The following PARD3 variants were observed in gnomAD, a reference collection of about 807,000 sequenced individuals.
PARD3 encodes the protein par-3 family cell polarity regulator.
In PARD3, 75 loss-of-function variants were observed where a neutral mutation model predicts 155.4. The observed-to-expected ratio is 0.48, with a 90% CI of 0.40 to 0.58. The LOEUF (loss-of-function observed/expected upper bound fraction) is 0.58, where lower values mean the gene tolerates loss of function less well. Ranked by LOEUF, PARD3 falls within the 20% of genes least tolerant of loss-of-function variation. The pLI is 0.00. For missense variants in PARD3, 1,642 were observed against 1,721.7 expected (o/e 0.95, Z 0.82); for synonymous variants, 576 against 610.5 (o/e 0.94, Z 0.83).
At chr10:34,803,108 GC>G (rs1842979323) in intron 1 of PARD3, among the ~76,000 whole-genome samples, 1 of 150,928 alleles carries the variant, frequency 6.6e-6, no homozygotes, top group African/African-American at 2.4e-5. Context: ...GCGTGGTGGT[GC>G]ATGCCTGTAA....
chr10:34,379,138 A>T (rs1353252988), intron 9 of PARD3, among the ~76,000 whole-genome samples: 1 of 152,160 alleles, frequency 6.6e-6, no homozygotes, highest in East Asian at 1.9e-4. Context: ...AAGAATAAAG[A>T]GATCTGTAAA....
intron 5 of PARD3, among the ~76,000 whole-genome samples, chr10:34,419,888 C>T (rs1216420350): frequency 2.0e-5 from 3 of 152,164 alleles, no homozygotes; most frequent in Non-Finnish European, 4.4e-5. Flanking sequence ...TTTTACTTAA[C>T]AACATGACTT....
chr10:34,374,821 G>C (rs1032665129), intron 11 of PARD3, 53 bp downstream of exon 11: 4 of 1,579,076 alleles, frequency 2.5e-6, no homozygotes, highest in Admixed American at 1.8e-5. Context: ...AACTAACCCA[G>C]ACCCCTGGCT....
At chr10:34,420,782 T>C (rs1194816944) in intron 5 of PARD3, among the ~76,000 whole-genome samples, 1 of 152,204 alleles carries the variant, frequency 6.6e-6, no homozygotes, top group East Asian at 1.9e-4. Flanking sequence ...AAGCATTAAA[T>C]CCCACAGTTC....
chr10:34,277,315 A>T (rs1413955713), intron 21 of PARD3, among the ~76,000 whole-genome samples: 1 of 152,166 alleles, frequency 6.6e-6, no homozygotes, highest in Non-Finnish European at 1.5e-5. Context: ...CAGACTTCAA[A>T]AATACTGCAG....
At chr10:34,342,446 T>A (rs932810207) in intron 15 of PARD3, among the ~76,000 whole-genome samples, 3 of 152,238 alleles carry the variant, frequency 2.0e-5, no homozygotes, top group African/African-American at 7.2e-5. Context: ...TATGATCTTT[T>A]CTGCCAGAAG....
intron 3 of PARD3, among the ~76,000 whole-genome samples, chr10:34,512,764 C>G (rs1205333936): frequency 6.6e-6 from 1 of 152,038 alleles, no homozygotes; most frequent in Non-Finnish European, 1.5e-5. Context: ...TTTGTTCATT[C>G]TCCTTTAACT....
chr10:34,488,126 T>C (rs534469396), intron 3 of PARD3, among the ~76,000 whole-genome samples: 1 of 152,164 alleles, frequency 6.6e-6, no homozygotes, highest in African/African-American at 2.4e-5. Flanking sequence ...GATGTGCGTT[T>C]GAAGCTCCTG....
chr10:34,611,988 A>C (rs2090942214), intron 2 of PARD3, among the ~76,000 whole-genome samples: 1 of 106,104 alleles, frequency 9.4e-6, no homozygotes, highest in Non-Finnish European at 1.8e-5. Context: ...CACCACGCCC[A>C]GCTGATTTTT....
intron 19 of PARD3, among the ~76,000 whole-genome samples, chr10:34,320,215 A>G (rs1202314465): frequency 6.6e-6 from 1 of 152,202 alleles, no homozygotes; most frequent in Non-Finnish European, 1.5e-5. Flanking sequence ...CTAGCTTTAG[A>G]AAAATGCTTA....
At chr10:34,255,236 GA>G (rs1160408037) in intron 22 of PARD3, among the ~76,000 whole-genome samples, 2 of 151,810 alleles carry the variant, frequency 1.3e-5, no homozygotes, top group African/African-American at 2.4e-5. Context: ...CCAACTGCCA[GA>G]AAAAAAATCA....
At chr10:34,684,830 CATATATACACACACACAT>C (rs2093922025) in intron 2 of PARD3, among the ~76,000 whole-genome samples, 1 of 48,520 alleles carries the variant, frequency 2.1e-5, no homozygotes, top group Admixed American at 2.0e-4. Context: ...CACACACACA[CATATATACACACACACAT>C]ATATATACAT....
intron 5 of PARD3, among the ~76,000 whole-genome samples, chr10:34,438,316 G>T (rs2076289568): frequency 6.6e-6 from 1 of 152,034 alleles, no homozygotes; most frequent in African/African-American, 2.4e-5. Flanking sequence ...CCATTTCTTG[G>T]TCCTTTAGTT....
Position 34,220,634 on chromosome 10 carries a change from C to G in PARD3, c.3419+49023G>C, listed in dbSNP as rs545631189. Among the ~76,000 whole-genome samples the G allele has an allele frequency of 2.0e-5, 3 of 152,266 alleles. No individual in the cohort carries two copies. The South Asian group carries it at 6.2e-4, about 32-fold the overall frequency. ...TGCAATGGAGGAATGCCTAATTCTG[C>G]CTTACCTACTTGGGGCCTCCATTTC... On this transcript the variant is annotated intron_variant, in intron 22 of 24. Transcript: ENST00000374788.
intron 2 of PARD3, among the ~76,000 whole-genome samples, chr10:34,564,303 A>G (rs951693081): frequency 2.6e-5 from 4 of 152,230 alleles, no homozygotes; most frequent in Non-Finnish European, 5.9e-5. Flanking sequence ...ATAAAAAAGT[A>G]TATGATGCAA....
rs745637071 is a variant in PARD3, at chr10:34,447,480, CAAAAAAAAAAAAAAAAAAAAAA to C, written c.714+2815_714+2836del. ...TGGGCAACAGAGCAAGACTGCGTCT[CAAAAAAAAAAAAAAAAAAAAAA>C]AAAAAAAAAAAAAAAAAGGGCCAGT... On this transcript the variant is annotated intron_variant, in intron 5 of 24. Coordinates refer to ENST00000374788, the MANE Select transcript of PARD3 (RefSeq NM_001184785.2). Among the ~76,000 whole-genome samples the C allele has an allele frequency of 2.3e-3, 85 of 37,208 alleles. No individual in the cohort carries two copies. The South Asian group carries it at 0.055, about 24-fold the overall frequency. 24.4% of individuals were successfully genotyped at this position (37,208 alleles called of 152,430 possible). A position where few individuals can be genotyped will look rare whatever the true frequency, so the allele number is the denominator to read the frequency against.
intron 2 of PARD3, among the ~76,000 whole-genome samples, chr10:34,673,001 G>C (rs11009859): frequency 0.02 from 3,109 of 152,094 alleles, 104 homozygotes; most frequent in African/African-American, 0.071. Context: ...TCCTCTCTCT[G>C]ACCTATATGT....
At chr10:34,618,252 TAA>T (rs2091397880) in intron 2 of PARD3, among the ~76,000 whole-genome samples, 1 of 152,184 alleles carries the variant, frequency 6.6e-6, no homozygotes, top group African/African-American at 2.4e-5. Context: ...TGAATCCAAA[TAA>T]AAAAGTCTTT....
chr10:34,767,655 G>C (rs867156985), intron 1 of PARD3, among the ~76,000 whole-genome samples: 7 of 152,050 alleles, frequency 4.6e-5, no homozygotes, highest in South Asian at 2.1e-4. Context: ...CTGGAGAGCA[G>C]TGGCATAATC....
Sources: allele counts gnomAD v4.1 joint callset (sites outside exome capture counted in the v4.1 genomes callset), GRCh38; gene constraint gnomAD v4.1.1; transcripts MANE v1.5; gene names NCBI Gene and HGNC (gene_info 2026-07-23, HGNC 2026-07-21).